PPARG: variants seen among roughly 807,000 people sequenced by gnomAD.
PPARG encodes the protein peroxisome proliferator activated receptor gamma.
Under a neutral mutation model 39.2 loss-of-function variants are expected in PPARG, and 17 were observed. That is an observed-to-expected ratio of 0.43 (90% CI 0.30 to 0.65). The LOEUF (loss-of-function observed/expected upper bound fraction) is 0.65, where lower values mean the gene tolerates loss of function less well. Ranked by LOEUF, PPARG falls within the 30% of genes least tolerant of loss-of-function variation. The pLI, the probability that PPARG is intolerant of heterozygous loss-of-function variation, is 0.13. For synonymous variants in PPARG, 223 were observed against 215.7 expected (o/e 1.03, Z -0.30); for missense variants, 406 against 585.9 (o/e 0.69, Z 3.17).
intron 1 of PPARG, among the ~76,000 whole-genome samples, chr3:12,302,619 T>G (rs1010951653): frequency 6.6e-6 from 1 of 151,530 alleles, no homozygotes; most frequent in Non-Finnish European, 1.5e-5. Context: ...AAGCATAGAG[T>G]TAAGGGAAGG....
At chr3:12,305,189 C>T (rs925639697) in intron 1 of PPARG, among the ~76,000 whole-genome samples, 4 of 152,142 alleles carry the variant, frequency 2.6e-5, no homozygotes, top group African/African-American at 9.7e-5. Flanking sequence ...TTCCTTTCCT[C>T]TCTTTCCCAA....
intron 6 of PPARG, among the ~76,000 whole-genome samples, chr3:12,410,093 C>T (rs796930822): frequency 2.4e-4 from 37 of 152,302 alleles, no homozygotes; most frequent in African/African-American, 8.7e-4. Context: ...GATATGGAAT[C>T]GTCAGCTATA....
At chr3:12,406,246 T>C in intron 6 of PPARG, 165 bp downstream of exon 6, 1 of 738,190 alleles carries the variant, frequency 1.4e-6, no homozygotes, top group South Asian at 1.6e-5. Flanking sequence ...GGAAGTGTTT[T>C]CAGATAGCAC....
At chr3:12,290,107 A>C (rs530546682) in intron 1 of PPARG, among the ~76,000 whole-genome samples, 12 of 152,296 alleles carry the variant, frequency 7.9e-5, no homozygotes, top group African/African-American at 2.9e-4. Flanking sequence ...ATTATGTCTT[A>C]AGAGATCTTT....
chr3:12,341,870 T>C (rs1184608801), intron 2 of PPARG, among the ~76,000 whole-genome samples: 1 of 152,096 alleles, frequency 6.6e-6, no homozygotes, highest in Non-Finnish European at 1.5e-5. Flanking sequence ...TAGAAAAACA[T>C]TTCATAAACT....
intron 4 of PPARG, among the ~76,000 whole-genome samples, chr3:12,390,831 T>C (rs530525660): frequency 3.3e-5 from 5 of 151,924 alleles, no homozygotes; most frequent in African/African-American, 1.2e-4. Context: ...TGTATTTTTT[T>C]ATAGAGACAA....
chr3:12,373,430 T>C (rs1320292019), intron 2 of PPARG, among the ~76,000 whole-genome samples: 1 of 152,172 alleles, frequency 6.6e-6, no homozygotes, highest in Non-Finnish European at 1.5e-5. Flanking sequence ...AACCTTCCTC[T>C]TGTAATCAGC....
At chr3:12,322,439 C>T (rs1352548492) in intron 2 of PPARG, among the ~76,000 whole-genome samples, 1 of 152,132 alleles carries the variant, frequency 6.6e-6, no homozygotes, top group Non-Finnish European at 1.5e-5. Flanking sequence ...ATACCTACAA[C>T]TGAAAGAATT....
At chr3:12,301,789 C>T (rs1334101221) in intron 1 of PPARG, 1 of 152,192 alleles carries the variant, frequency 6.6e-6, no homozygotes, top group Non-Finnish European at 1.5e-5. Context: ...CTGCTAGACA[C>T]AAGCAGATGC....
Position 12,310,557 on chromosome 3 carries a change from G to C in PPARG, c.-82-1823G>C, listed in dbSNP as rs1574967339. 2.2e-5 allele frequency among the ~76,000 whole-genome samples: 2 copies of C among 90,758 alleles called. 1 individual carries two copies. The highest frequency in any genetic ancestry group is 6.9e-4 in the South Asian group (2 of 2,880). The allele number at this position is 90,758 out of a possible 152,430, so 59.5% of individuals were successfully genotyped here. ...CGGCTCACTGCAAGCTCCGCCTCCT[G>C]GGTTCACGCCATTCTCCTGCCTCAG... On this transcript the variant is annotated intron_variant, in intron 1 of 7. Coordinates refer to ENST00000651735, the MANE Select transcript of PPARG (RefSeq NM_138711.6).
intron 3 of PPARG, among the ~76,000 whole-genome samples, 156 bp downstream of exon 3, chr3:12,380,087 A>T (rs540523148): frequency 6.6e-6 from 1 of 152,202 alleles, no homozygotes; most frequent in South Asian, 2.1e-4. Context: ...AATATTAGGT[A>T]TCTATGAAAT....
intron 2 of PPARG, among the ~76,000 whole-genome samples, chr3:12,357,002 A>C (rs1237126961): frequency 1.3e-5 from 2 of 151,994 alleles, no homozygotes; most frequent in African/African-American, 4.8e-5. Context: ...CTAAACTGAA[A>C]ATGTGTTCAG....
intron 2 of PPARG, among the ~76,000 whole-genome samples, chr3:12,364,057 A>C (rs1192788500): frequency 6.6e-6 from 1 of 151,572 alleles, no homozygotes; most frequent in Non-Finnish European, 1.5e-5. Flanking sequence ...CCACTGACAC[A>C]TCATTATCAC....
chr3:12,416,145 A>G (rs1452517139), intron 6 of PPARG, among the ~76,000 whole-genome samples: 1 of 152,182 alleles, frequency 6.6e-6, no homozygotes, highest in Non-Finnish European at 1.5e-5. Flanking sequence ...TTGGGAGGCC[A>G]AGGCAGGCAG....
intron 2 of PPARG, among the ~76,000 whole-genome samples, chr3:12,344,553 A>G (rs569095153): frequency 7.2e-5 from 11 of 152,324 alleles, no homozygotes; most frequent in Non-Finnish European, 1.5e-4. Flanking sequence ...TCAGTCAAAT[A>G]TCTATTTGTT....
chr3:12,311,492 C>T (rs1338433212), intron 1 of PPARG, among the ~76,000 whole-genome samples: 1 of 152,118 alleles, frequency 6.6e-6, no homozygotes, highest in Non-Finnish European at 1.5e-5. Flanking sequence ...AATGGGAAAA[C>T]ATTTTATCTT....
intron 2 of PPARG, among the ~76,000 whole-genome samples, chr3:12,342,129 C>T (rs2048200912): frequency 6.6e-6 from 1 of 152,090 alleles, no homozygotes; most frequent in African/African-American, 2.4e-5. Flanking sequence ...GTACACATCC[C>T]CTATGGTATA....
intron 5 of PPARG, among the ~76,000 whole-genome samples, chr3:12,403,542 G>C (rs1196152415): frequency 6.6e-6 from 1 of 151,986 alleles, no homozygotes; most frequent in East Asian, 1.9e-4. Context: ...TTTTTGTACA[G>C]ACAGGGTCTC....
chr3:12,292,310 G>A (rs148933935), intron 1 of PPARG, among the ~76,000 whole-genome samples: 45 of 152,176 alleles, frequency 3.0e-4, no homozygotes, highest in Non-Finnish European at 5.7e-4. Context: ...CAGATTGTGC[G>A]CTTTGATTTG....
Sources: allele counts gnomAD v4.1 joint callset (sites outside exome capture counted in the v4.1 genomes callset), GRCh38; gene constraint gnomAD v4.1.1; transcripts MANE v1.5; gene names NCBI Gene and HGNC (gene_info 2026-07-23, HGNC 2026-07-21).